CHIC2: variants seen among roughly 807,000 people sequenced by gnomAD.
The protein encoded by CHIC2 is cysteine rich hydrophobic domain 2, also known as cysteine-rich hydrophobic domain-containing protein 2.
A neutral mutation model predicts 25.9 loss-of-function variants in CHIC2; 14 were observed. The ratio of observed to expected loss-of-function variants is 0.54; its 90% CI spans 0.36 to 0.85. The LOEUF (loss-of-function observed/expected upper bound fraction) is 0.85, where lower values mean the gene tolerates loss of function less well. CHIC2 is among the 40% of genes least tolerant of loss of function. The probability of loss-of-function intolerance (pLI) is 0.01; values close to 1 mark genes in which losing one functional copy is unlikely to be tolerated. For synonymous variants in CHIC2, 70 were observed against 72.0 expected (o/e 0.97, Z 0.14); for missense variants, 146 against 202.0 (o/e 0.72, Z 1.68).
intron 3 of CHIC2, among the ~76,000 whole-genome samples, chr4:54,039,455 C>T (rs1716498212): frequency 6.6e-6 from 1 of 152,144 alleles, no homozygotes; most frequent in Non-Finnish European, 1.5e-5. Flanking sequence ...CAAATAAGCA[C>T]ATGAAAAGGT....
chr4:54,076,789 G>T, the CHIC2 span: 1 of 152,224 alleles, frequency 6.6e-6, no homozygotes, highest in East Asian at 1.9e-4. Flanking sequence ...CAGAAACTAT[G>T]ATTCCATGAA....
intron 1 of CHIC2, chr4:54,060,707 C>T (rs1717307513): frequency 6.6e-6 from 1 of 152,096 alleles, no homozygotes; most frequent in Non-Finnish European, 1.5e-5. Context: ...TATTTTGAAG[C>T]ATAAGGAACT....
chr4:54,085,015 A>T, the CHIC2 span, among the ~76,000 whole-genome samples: 1 of 151,766 alleles, frequency 6.6e-6, no homozygotes, highest in African/African-American at 2.4e-5. Flanking sequence ...AATCTGTGAA[A>T]AGCTAAACAC....
chr4:54,080,019 C>T, the CHIC2 span, among the ~76,000 whole-genome samples: 5 of 151,412 alleles, frequency 3.3e-5, no homozygotes, highest in Non-Finnish European at 5.9e-5. Flanking sequence ...AAAATGAAAT[C>T]GGTATCTCAA....
chr4:54,052,585 G>C (rs1717034847), intron 1 of CHIC2, among the ~76,000 whole-genome samples: 1 of 152,158 alleles, frequency 6.6e-6, no homozygotes. Context: ...ACCCCCTTCA[G>C]ACTCTAATAA....
intron 3 of CHIC2, among the ~76,000 whole-genome samples, chr4:54,036,589 C>T (rs1463309119): frequency 6.6e-6 from 1 of 152,106 alleles, no homozygotes; most frequent in East Asian, 1.9e-4. Context: ...GGCCCTACCT[C>T]CAACACTGGG....
chr4:54,033,573 A>G (rs1716297414), intron 3 of CHIC2, among the ~76,000 whole-genome samples: 1 of 152,144 alleles, frequency 6.6e-6, no homozygotes, highest in African/African-American at 2.4e-5. Context: ...TTGTGCTGCT[A>G]ATGTTATACC....
intron 1 of CHIC2, among the ~76,000 whole-genome samples, chr4:54,056,627 C>A (rs1372715414): frequency 6.6e-6 from 1 of 152,114 alleles, no homozygotes; most frequent in Non-Finnish European, 1.5e-5. Flanking sequence ...ATAGTACATT[C>A]ACTTTTTTTA....
intron 2 of CHIC2, 44 bp from the exon 3 acceptor site, chr4:54,049,154 T>G: frequency 6.4e-7 from 1 of 1,568,980 alleles, no homozygotes; most frequent in South Asian, 1.2e-5. Flanking sequence ...AATATTAATG[T>G]CAAAAAACAT....
chr4:54,063,803 C>G (rs112959159), intron 1 of CHIC2, among the ~76,000 whole-genome samples: 1 of 152,212 alleles, frequency 6.6e-6, no homozygotes, highest in African/African-American at 2.4e-5. Context: ...AGCCATGTCA[C>G]TGGGTGCAAA....
intron 3 of CHIC2, among the ~76,000 whole-genome samples, chr4:54,032,251 T>C (rs1716249242): frequency 6.6e-6 from 1 of 151,378 alleles, no homozygotes; most frequent in South Asian, 2.1e-4. Flanking sequence ...AAGAAGTTGG[T>C]GTATCCTCTC....
the CHIC2 span, among the ~76,000 whole-genome samples, chr4:54,090,201 T>A: frequency 6.6e-6 from 1 of 151,732 alleles, no homozygotes; most frequent in Non-Finnish European, 1.5e-5. Flanking sequence ...ATATATATAT[T>A]TTTTAGATGA....
intron 3 of CHIC2, among the ~76,000 whole-genome samples, chr4:54,037,136 G>A (rs921952213): frequency 3.9e-5 from 6 of 152,064 alleles, no homozygotes; most frequent in African/African-American, 1.5e-4. Context: ...AGGCTGAGGC[G>A]GGTGGACTGC....
chr4:54,040,150 T>C (rs548759070), intron 3 of CHIC2, among the ~76,000 whole-genome samples: 236 of 152,320 alleles, frequency 1.5e-3, no homozygotes, highest in African/African-American at 5.4e-3. Context: ...CAAAACTCTA[T>C]GCGTTTATCA....
At chr4:54,033,800 T>A (rs1300937765) in intron 3 of CHIC2, among the ~76,000 whole-genome samples, 1 of 152,178 alleles carries the variant, frequency 6.6e-6, no homozygotes, top group Non-Finnish European at 1.5e-5. Context: ...CCTTTCCACC[T>A]TTGGTGGAAA....
intron 1 of CHIC2, among the ~76,000 whole-genome samples, chr4:54,053,539 AC>A (rs1191709948): frequency 1.3e-5 from 2 of 148,882 alleles, no homozygotes; most frequent in Admixed American, 6.7e-5. Flanking sequence ...CGGGCTGACA[AC>A]AGTGAGACTC....
chr4:54,038,874 A>T (rs1228723434), intron 3 of CHIC2, among the ~76,000 whole-genome samples: 1 of 151,830 alleles, frequency 6.6e-6, no homozygotes, highest in Non-Finnish European at 1.5e-5. Flanking sequence ...TTAAAAAAGA[A>T]AAAAAAGCTA....
chr4:54,068,564 C>T (rs1162565259), upstream of CHIC2, among the ~76,000 whole-genome samples: 1 of 152,234 alleles, frequency 6.6e-6, no homozygotes, highest in Non-Finnish European at 1.5e-5. Flanking sequence ...GACTAAGACA[C>T]AGTCTATGGT....
At chr4:54,073,874 A>T in the CHIC2 span, among the ~76,000 whole-genome samples, 1 of 152,220 alleles carries the variant, frequency 6.6e-6, no homozygotes, top group Non-Finnish European at 1.5e-5. Flanking sequence ...CGTAGGTTTT[A>T]GACCGGGCGC....
Sources: gnomAD v4.1 joint callset for allele counts (sites outside exome capture counted in the v4.1 genomes callset) on GRCh38, gnomAD v4.1.1 for gene constraint, MANE v1.5 for transcripts, NCBI Gene and HGNC (gene_info 2026-07-23, HGNC 2026-07-21) for gene names.